Variants in ATP7B observed in about 807,000 individuals in gnomAD.
ATP7B encodes the protein ATPase copper transporting beta.
ATP7B carries 113 observed loss-of-function variants against 118.9 expected under a neutral mutation model. The observed-to-expected ratio is 0.95, with a 90% CI of 0.82 to 1.11. ATP7B has a LOEUF of 1.11. ATP7B is among the 50% of genes most tolerant of loss of function. ATP7B has a pLI of 0.00. For missense variants in ATP7B, 1,867 were observed against 1,871.4 expected, an observed-to-expected ratio of 1.00 and a Z score of 0.04; for synonymous variants, 777 against 727.4, an observed-to-expected ratio of 1.07 and a Z score of -1.10.
chr13:51,934,871 A>G lies in ATP7B; in HGVS notation c.4283T>C (p.Val1428Ala), dbSNP rs1956864501. 4 of 1,614,220 alleles carry G rather than the reference A, an allele frequency of 2.5e-6. No homozygotes were observed. In the East Asian group the frequency reaches 8.9e-5, roughly 36 times the overall value. Residue 1428 changes from valine (V) to alanine (A), a missense_variant, in exon 21 of 21, where the codon GTG (valine) becomes GCG (alanine). Physicochemically the swap from Val to Ala is moderately conservative, Grantham distance 64 (BLOSUM62 0). Transcript: ENST00000242839. Reference protein sequence around the residue: ...PWDQVSYVSQVSLSSLTSDKP... With the variant: ...PWDQVSYVSQASLSSLTSDKP... ...GTCGGACGTCAGGGAGGACAGCGAC[A>G]CCTGGCTGACATAGCTGACCTGGTC... is the stretch of plus-strand genomic sequence containing the variant.
chr13:52,000,131 C>G (rs1410078372), intron 1 of ATP7B, among the ~76,000 whole-genome samples: 1 of 152,158 alleles, frequency 6.6e-6, no homozygotes, highest in Non-Finnish European at 1.5e-5. Flanking sequence ...CTCATCCAGG[C>G]CAGGAGAAGT....
intron 15 of ATP7B, 52 bp from the exon 16 acceptor site, chr13:51,941,276 C>T: frequency 6.2e-7 from 1 of 1,603,124 alleles, no homozygotes. Context: ...TCACTGTGAA[C>T]TAAAAACCAT....
chr13:51,981,805 G>C (rs1475127872), intron 1 of ATP7B, among the ~76,000 whole-genome samples: 8 of 152,068 alleles, frequency 5.3e-5, no homozygotes, highest in Non-Finnish European at 1.0e-4. Context: ...TCTGTACATA[G>C]TTCCAATTTT....
intron 1 of ATP7B, among the ~76,000 whole-genome samples, chr13:51,991,753 T>A (rs549167871): frequency 6.6e-6 from 1 of 152,214 alleles, no homozygotes; most frequent in South Asian, 2.1e-4. Flanking sequence ...GCCTGAAAGG[T>A]TGTCTGTGGA....
intron 1 of ATP7B, among the ~76,000 whole-genome samples, chr13:51,976,257 G>C (rs1952114170): frequency 6.6e-6 from 1 of 152,170 alleles, no homozygotes; most frequent in South Asian, 2.1e-4. Flanking sequence ...GTCTTCAGAT[G>C]AATCTCCTTT....
At chr13:51,940,034 C>CA (rs1185117863) in intron 16 of ATP7B, among the ~76,000 whole-genome samples, 2 of 94,170 alleles carry the variant, frequency 2.1e-5, no homozygotes, top group Non-Finnish European at 3.8e-5. Context: ...TTTTTTGAGA[C>CA]AGAGTTACGC....
intron 6 of ATP7B, 29 bp downstream of exon 6, chr13:51,961,808 C>G: frequency 6.2e-7 from 1 of 1,600,314 alleles, no homozygotes. Context: ...TAGATGAGAG[C>G]TGGAGTTTAT....
At chr13:51,969,293 G>C (rs1396899709) in intron 3 of ATP7B, among the ~76,000 whole-genome samples, 2 of 152,116 alleles carry the variant, frequency 1.3e-5, no homozygotes, top group Non-Finnish European at 2.9e-5. Flanking sequence ...GATGAGGTTT[G>C]AGAGTCTGCA....
intron 8 of ATP7B, chr13:51,958,089 T>C: frequency 1.7e-6 from 1 of 598,046 alleles, no homozygotes; most frequent in East Asian, 3.0e-5. Context: ...ACAATACACC[T>C]GAATGATGGT....
Position 51,974,113 on chromosome 13 carries a change from G to A in ATP7B, c.1107C>T (p.Thr369=). 1 of 1,614,052 alleles carries A rather than the reference G, an allele frequency of 6.2e-7. No individual in the cohort carries two copies. Among genetic ancestry groups the A allele is most frequent in the Non-Finnish European group, 8.5e-7 (1 of 1,180,042 alleles). The change falls in exon 2 of 21, where the codon ACC becomes ACT. Residue 369 remains threonine, a synonymous_variant. Transcript: ENST00000242839. ...CAATGGAATGGACACAGGATGCACA[G>A]GTCATGCCGGCAATGGCAATCAGAG... is the stretch of plus-strand genomic sequence containing the variant. The part of the protein sequence containing the change: ...STTLIAIAGM[T]CASCVHSIEG...
At chr13:51,935,960 T>C (rs1956937696) in intron 19 of ATP7B, among the ~76,000 whole-genome samples, 1 of 152,150 alleles carries the variant, frequency 6.6e-6, no homozygotes, top group South Asian at 2.1e-4. Context: ...TGGCATCCCA[T>C]TTCAGGGCGA....
In ATP7B at chr13:51,933,027, A is replaced by C. The variant is rs964877517; in HGVS notation, c.*1729T>G. The C allele has an allele frequency of 5.3e-5, 8 of 152,180 alleles. No individual in the cohort carries two copies. Among genetic ancestry groups the C allele is most frequent in the African/African-American group, 1.9e-4 (8 of 41,436 alleles). The allele number at this position is 152,180 out of a possible 1,614,324, so 9.4% of individuals were successfully genotyped here. A position where few individuals can be genotyped will look rare whatever the true frequency, so the allele number is the denominator to read the frequency against. ...TCAACAGCGCGCTTGGATTTTATAA[A>C]ATAAAACCCTGCAAAAACTATATGT... is the stretch of plus-strand genomic sequence containing the variant. On this transcript the variant is annotated 3_prime_UTR_variant, in exon 21 of 21. Coordinates refer to ENST00000242839, the MANE Select transcript of ATP7B (RefSeq NM_000053.4).
chr13:51,934,865 A>G lies in ATP7B; in HGVS notation c.4289T>C (p.Leu1430Pro). 1.2e-6 allele frequency: 2 copies of G among 1,614,206 alleles called. No homozygotes were observed. Among genetic ancestry groups the G allele is most frequent in the South Asian group, 1.1e-5 (1 of 91,084 alleles). The change falls in exon 21 of 21, where the codon CTG (leucine) becomes CCG (proline). Residue 1430 changes from leucine to proline, a missense_variant. Transcript: ENST00000242839. ...TGGCTTGTCGGACGTCAGGGAGGAC[A>G]GCGACACCTGGCTGACATAGCTGAC... ...DQVSYVSQVSLSSLTSDKPSR... is the reference protein window; with the variant it reads ...DQVSYVSQVSPSSLTSDKPSR...
chr13:51,934,128 G>A lies in ATP7B; in HGVS notation c.*628C>T, dbSNP rs970389415. 6.5e-5 allele frequency: 11 copies of A among 167,954 alleles called. No homozygotes were observed. The highest frequency in any genetic ancestry group is 4.7e-4 in the South Asian group (3 of 6,418). 10.4% of individuals were successfully genotyped at this position (167,954 alleles called of 1,614,324 possible). On this transcript the variant is annotated 3_prime_UTR_variant, in exon 21 of 21. Transcript: ENST00000242839. ...GCACACTCCAGAGCATTGGAGAAGC[G>A]CCTGAGAGCAGCAGCAAAGACCACA...
At chr13:51,966,883 G>A in intron 4 of ATP7B, 6 of 1,612,930 alleles carry the variant, frequency 3.7e-6, no homozygotes, top group Non-Finnish European at 5.1e-6. Context: ...CATCACTTGT[G>A]ATGGCAGAAA....
intron 1 of ATP7B, among the ~76,000 whole-genome samples, chr13:51,988,224 A>C (rs1469134030): frequency 6.6e-6 from 1 of 150,612 alleles, no homozygotes; most frequent in Non-Finnish European, 1.5e-5. Context: ...AAAAAAAAAC[A>C]ACCCCATCAA....
intron 1 of ATP7B, among the ~76,000 whole-genome samples, chr13:51,993,989 C>T (rs2140409727): frequency 6.6e-6 from 1 of 152,316 alleles, no homozygotes; most frequent in East Asian, 1.9e-4. Context: ...AAATCACCAG[C>T]ACACGTCATA....
chr13:51,975,072 C>T lies in ATP7B; in HGVS notation c.148G>A (p.Gly50Ser). The T allele has an allele frequency of 6.2e-7, 1 of 1,614,238 alleles. No homozygotes were observed. The highest frequency in any genetic ancestry group is 1.7e-5 in the Admixed American group (1 of 60,034). Residue 50 changes from glycine (G) to serine (S), a missense_variant, in exon 2 of 21, where the codon GGC becomes AGC. Coordinates refer to ENST00000242839, the MANE Select transcript of ATP7B (RefSeq NM_000053.4). Reference protein sequence around the residue: ...DNVGYEGGLDGLGPSSQVATS... With the variant: ...DNVGYEGGLDSLGPSSQVATS... ...GCCACCTGAGAAGAAGGGCCCAGGC[C>T]ATCCAGACCACCTTCATAGCCAACA...
chr13:51,990,875 G>T (rs978461323), intron 1 of ATP7B, among the ~76,000 whole-genome samples: 4 of 152,224 alleles, frequency 2.6e-5, no homozygotes, highest in Admixed American at 2.0e-4. Context: ...GGATCACGGG[G>T]TCAAGAGATT....
Sources: allele counts gnomAD v4.1 joint callset (sites outside exome capture counted in the v4.1 genomes callset), GRCh38; gene constraint gnomAD v4.1.1; transcripts MANE v1.5; gene names NCBI Gene and HGNC (gene_info 2026-07-23, HGNC 2026-07-21).